The following THOC1 variants were observed in gnomAD, a reference collection of about 807,000 sequenced individuals.
THOC1 encodes THO complex subunit 1.
THOC1 carries 29 observed loss-of-function variants against 97.3 expected under a neutral mutation model. The observed-to-expected ratio is 0.30, with a 90% CI of 0.22 to 0.41. The LOEUF (loss-of-function observed/expected upper bound fraction) is 0.41, where lower values mean the gene tolerates loss of function less well. Among genes scored for constraint, THOC1 ranks in the 10% least tolerant of loss-of-function variants. THOC1 has a pLI of 1.00. For missense variants in THOC1, 529 were observed against 761.9 expected, an observed-to-expected ratio of 0.69 and a Z score of 3.60; for synonymous variants, 255 against 257.0, an observed-to-expected ratio of 0.99 and a Z score of 0.07.
At chr18:231,558 A>T (rs920058245) in intron 11 of THOC1, among the ~76,000 whole-genome samples, 3 of 152,224 alleles carry the variant, frequency 2.0e-5, no homozygotes, top group African/African-American at 7.2e-5. Context: ...AAATATTTTA[A>T]ATGTTCAAAA....
In THOC1 at chr18:216,631, G is replaced by A; in HGVS notation, c.1457C>T (p.Ala486Val). ...PENMVENEYKAVNNSNYGWRA... is the reference protein window; with the variant it reads ...PENMVENEYKVVNNSNYGWRA... ...CCAACCATAATTTGAATTGTTCACA[G>A]CCCTATAAAAAGAGGTGTCAGGCTT... The change falls in exon 19 of 21, where the codon GCT becomes GTT. Residue 486 changes from alanine to valine, a missense_variant and splice_region_variant. Coordinates refer to ENST00000261600, the MANE Select transcript of THOC1 (RefSeq NM_005131.3). 1 of 1,611,296 alleles carries A rather than the reference G, an allele frequency of 6.2e-7. No individual in the cohort carries two copies. Among genetic ancestry groups the A allele is most frequent in the Non-Finnish European group, 8.5e-7 (1 of 1,178,892 alleles).
At chr18:246,159 T>C (rs1912080354) in intron 11 of THOC1, 165 bp downstream of exon 11, 1 of 575,536 alleles carries the variant, frequency 1.7e-6, no homozygotes, top group South Asian at 2.9e-5. Flanking sequence ...GTCCTACTTC[T>C]GAAAGGAAGA....
At position 259,740 on chromosome 18, in the gene THOC1, AG is replaced by A; in HGVS notation, c.376-11del. The stretch of plus-strand genomic sequence containing the variant: ...CAGAATAGAATGTATTCTGAAATTA[AG>A]ACGGAAATTATCACTCTTCTTCAGA... On this transcript the variant is annotated splice_polypyrimidine_tract_variant and intron_variant, in intron 5 of 20. Coordinates refer to ENST00000261600, the MANE Select transcript of THOC1 (RefSeq NM_005131.3). 6.5e-7 allele frequency: 1 copy of A among 1,537,698 alleles called. No homozygotes were observed. The highest frequency in any genetic ancestry group is 1.2e-5 in the South Asian group (1 of 80,672).
chr18:224,460 T>G (rs1598289843), intron 15 of THOC1, among the ~76,000 whole-genome samples: 1 of 151,430 alleles, frequency 6.6e-6, no homozygotes, highest in African/African-American at 2.4e-5. Context: ...GCGCCTGTAA[T>G]CCCAGCAACT....
intron 17 of THOC1, among the ~76,000 whole-genome samples, chr18:220,818 G>T (rs1163055949): frequency 6.6e-6 from 1 of 151,812 alleles, no homozygotes; most frequent in Non-Finnish European, 1.5e-5. Context: ...CTTCTCTTTT[G>T]ATTTTGTTAT....
Position 221,898 on chromosome 18 carries a change from G to A in THOC1, c.1370+1542C>T, listed in dbSNP as rs76798494. On this transcript the variant is annotated intron_variant, in intron 17 of 20. Transcript: ENST00000261600. ...GCTGGGATTACAGGTATGAGCCACC[G>A]CGCCTGGCCGATAGATCTTTAAAAT... Among the ~76,000 whole-genome samples, 4,113 of 152,118 alleles carry A rather than the reference G, an allele frequency of 0.027. 350 individuals are homozygous for A. In the East Asian group the frequency reaches 0.3, roughly 11 times the overall value.
At chr18:248,172 G>A (rs1233712038) in intron 9 of THOC1, among the ~76,000 whole-genome samples, 1 of 152,188 alleles carries the variant, frequency 6.6e-6, no homozygotes, top group African/African-American at 2.4e-5. Context: ...TGGAGCCCCT[G>A]AATTTTGGAA....
intron 19 of THOC1, 129 bp downstream of exon 19, chr18:216,357 T>C (rs1910889867): frequency 2.0e-6 from 2 of 1,017,918 alleles, no homozygotes; most frequent in South Asian, 3.3e-5. Context: ...TTTCCCTCAT[T>C]CTAAAACATG....
chr18:262,047 C>G (rs1165528656), intron 4 of THOC1, among the ~76,000 whole-genome samples: 1 of 152,184 alleles, frequency 6.6e-6, no homozygotes, highest in East Asian at 1.9e-4. Flanking sequence ...CCATGTTCAT[C>G]CTTCCATGGT....
At chr18:224,900 A>T (rs1285786696) in intron 15 of THOC1, 24 bp downstream of exon 15, 13 of 1,545,510 alleles carry the variant, frequency 8.4e-6, no homozygotes, top group Non-Finnish European at 1.1e-5. Flanking sequence ...GTATGTATTT[A>T]CCTTTCTTTC....
At chr18:247,815 C>T (rs1228331406) in intron 10 of THOC1, 34 bp downstream of exon 10, 2 of 1,291,404 alleles carry the variant, frequency 1.5e-6, no homozygotes, top group South Asian at 2.5e-5. Flanking sequence ...CTATAAAATA[C>T]TGGGCTTCTG....
At chr18:218,434 T>A (rs1429372085) in intron 18 of THOC1, among the ~76,000 whole-genome samples, 4 of 152,000 alleles carry the variant, frequency 2.6e-5, no homozygotes, top group Non-Finnish European at 4.4e-5. Context: ...AAAATTTGAG[T>A]TAGGCAGAGG....
At chr18:243,736 G>A (rs1296611498) in intron 11 of THOC1, among the ~76,000 whole-genome samples, 1 of 152,084 alleles carries the variant, frequency 6.6e-6, no homozygotes, top group Admixed American at 6.5e-5. Context: ...AAGGTTCTTT[G>A]TTAAGCAAGA....
chr18:241,978 G>C (rs1418905567), intron 11 of THOC1, among the ~76,000 whole-genome samples: 2 of 152,158 alleles, frequency 1.3e-5, no homozygotes, highest in Non-Finnish European at 2.9e-5. Context: ...GGATTATTTT[G>C]CTCTGCTAAA....
chr18:266,781 C>T (rs1022989730), intron 1 of THOC1, among the ~76,000 whole-genome samples: 1 of 152,146 alleles, frequency 6.6e-6, no homozygotes, highest in African/African-American at 2.4e-5. Flanking sequence ...AGGTGATCCG[C>T]CCGCCTCGGC....
chr18:246,240 G>T, intron 11 of THOC1, 84 bp downstream of exon 11: 1 of 1,084,284 alleles, frequency 9.2e-7, no homozygotes, highest in Non-Finnish European at 1.3e-6. Flanking sequence ...TTTCTATTCA[G>T]TTTAACTTAG....
intron 7 of THOC1, among the ~76,000 whole-genome samples, chr18:258,108 C>A (rs181411924): frequency 6.6e-6 from 1 of 151,804 alleles, no homozygotes; most frequent in South Asian, 2.1e-4. Flanking sequence ...AAATCTTAAG[C>A]GCAGAGAAAA....
intron 11 of THOC1, among the ~76,000 whole-genome samples, chr18:236,457 G>A (rs1402386943): frequency 7.0e-6 from 1 of 143,224 alleles, no homozygotes; most frequent in Non-Finnish European, 1.5e-5. Flanking sequence ...CCGGGTTCAC[G>A]CCATTCTCCT....
chr18:224,274 T>A, intron 15 of THOC1, 95 bp from the exon 16 acceptor site: 1 of 1,029,194 alleles, frequency 9.7e-7, no homozygotes, highest in East Asian at 2.7e-5. Context: ...GTTATTGTTT[T>A]CCTCTTAAAA....
Sources: gnomAD v4.1 joint callset for allele counts (sites outside exome capture counted in the v4.1 genomes callset) on GRCh38, gnomAD v4.1.1 for gene constraint, MANE v1.5 for transcripts, NCBI Gene and HGNC (gene_info 2026-07-23, HGNC 2026-07-21) for gene names.